SYNPO2: variants seen among roughly 807,000 people sequenced by gnomAD.
The protein encoded by SYNPO2 is synaptopodin-2.
SYNPO2 carries 56 observed loss-of-function variants against 85.0 expected under a neutral mutation model. The ratio of observed to expected loss-of-function variants is 0.66; its 90% CI spans 0.53 to 0.82. The LOEUF (loss-of-function observed/expected upper bound fraction) is 0.82, where lower values mean the gene tolerates loss of function less well. SYNPO2 is among the 40% of genes least tolerant of loss of function. The probability of loss-of-function intolerance (pLI) is 0.00; values close to 1 mark genes in which losing one functional copy is unlikely to be tolerated. For missense variants in SYNPO2, 1,575 were observed against 1,534.2 expected (o/e 1.03, Z -0.44); for synonymous variants, 602 against 591.1 (o/e 1.02, Z -0.27).
intron 1 of SYNPO2, among the ~76,000 whole-genome samples, chr4:118,972,371 G>A (rs1364821253): frequency 6.6e-6 from 1 of 152,010 alleles, no homozygotes; most frequent in Admixed American, 6.6e-5. Flanking sequence ...TTCAGTCCAG[G>A]AGGTGGAAGC....
intron 1 of SYNPO2, among the ~76,000 whole-genome samples, chr4:118,947,207 A>T (rs541308391): frequency 6.6e-6 from 1 of 152,188 alleles, no homozygotes; most frequent in African/African-American, 2.4e-5. Flanking sequence ...TCTCTGTACT[A>T]TCTCTTTTAC....
At chr4:118,865,738 C>T (rs993702279) in intron 1 of SYNPO2, among the ~76,000 whole-genome samples, 3 of 151,850 alleles carry the variant, frequency 2.0e-5, no homozygotes, top group African/African-American at 4.8e-5. Flanking sequence ...TGAAAAAGCA[C>T]GGTTAAAAAA....
At chr4:118,953,350 G>A (rs1251972458) in intron 1 of SYNPO2, among the ~76,000 whole-genome samples, 4 of 152,098 alleles carry the variant, frequency 2.6e-5, no homozygotes, top group Admixed American at 2.0e-4. Flanking sequence ...CATCACAATT[G>A]TAAATTCTTT....
At chr4:119,016,506 A>G (rs1004082611) in intron 1 of SYNPO2, among the ~76,000 whole-genome samples, 1 of 152,066 alleles carries the variant, frequency 6.6e-6, no homozygotes, top group Non-Finnish European at 1.5e-5. Context: ...TAAAAAGAGT[A>G]TTTACATAGA....
intron 1 of SYNPO2, among the ~76,000 whole-genome samples, chr4:118,883,713 C>CT (rs57844329): frequency 0.63 from 93,293 of 149,028 alleles, 29,902 homozygotes; most frequent in East Asian, 0.72. Context: ...TTCTCTTTTT[C>CT]TTTTTTTTTT....
rs1738187226 is a variant in SYNPO2 at position 119,030,566 on chromosome 4, T to G, written c.1791T>G (p.Asn597Lys). 2 of 1,613,960 alleles carry G rather than the reference T, an allele frequency of 1.2e-6. No homozygotes were observed. Among genetic ancestry groups the G allele is most frequent in the Non-Finnish European group, 1.7e-6 (2 of 1,180,020 alleles). ...CCAAACCCTTCCCAGGGTCTGTGAA[T>G]CAGCCAGCTACCCCCTTCTCGCCAA... ...RTAKPFPGSV[N>K]QPATPFSPTR... Residue 597 changes from asparagine to lysine, a missense_variant, in exon 4 of 5, where the codon AAT becomes AAG. Asn to Lys is a moderately conservative substitution (Grantham distance 94). Transcript: ENST00000307142.
At chr4:118,867,754 A>G (rs569269037) in intron 1 of SYNPO2, among the ~76,000 whole-genome samples, 19 of 152,000 alleles carry the variant, frequency 1.3e-4, no homozygotes, top group Non-Finnish European at 2.4e-4. Context: ...CAAAAAACCT[A>G]GTTTGTTTTT....
intron 1 of SYNPO2, among the ~76,000 whole-genome samples, chr4:118,903,189 A>C (rs902934098): frequency 1.3e-5 from 2 of 152,202 alleles, no homozygotes; most frequent in African/African-American, 2.4e-5. Flanking sequence ...TATAACTTAG[A>C]AGGCTTTTTA....
intron 1 of SYNPO2, among the ~76,000 whole-genome samples, chr4:118,912,329 T>C (rs1733166317): frequency 6.6e-6 from 1 of 152,068 alleles, no homozygotes; most frequent in Non-Finnish European, 1.5e-5. Context: ...TACAGGTGCA[T>C]GCCACCAGAC....
intron 1 of SYNPO2, among the ~76,000 whole-genome samples, chr4:118,949,247 A>G (rs939124658): frequency 1.3e-5 from 2 of 152,130 alleles, no homozygotes; most frequent in Admixed American, 1.3e-4. Context: ...TTTGCATTTC[A>G]TGGTGGGGTG....
chr4:119,013,997 A>C (rs1737429810), intron 1 of SYNPO2, among the ~76,000 whole-genome samples: 1 of 152,072 alleles, frequency 6.6e-6, no homozygotes, highest in Non-Finnish European at 1.5e-5. Context: ...CTATCAATGT[A>C]CTCCTCCTTT....
chr4:118,988,650 C>T (rs1174140635), intron 1 of SYNPO2, among the ~76,000 whole-genome samples: 1 of 152,086 alleles, frequency 6.6e-6, no homozygotes, highest in African/African-American at 2.4e-5. Flanking sequence ...TAATAAATGG[C>T]CACAGCTTTC....
intron 4 of SYNPO2, among the ~76,000 whole-genome samples, chr4:119,046,583 G>A (rs919314736): frequency 6.6e-6 from 1 of 152,144 alleles, no homozygotes; most frequent in African/African-American, 2.4e-5. Context: ...ACACCTTTAG[G>A]GCCACACAGT....
intron 1 of SYNPO2, among the ~76,000 whole-genome samples, chr4:118,919,721 C>T (rs939579475): frequency 6.6e-6 from 1 of 152,076 alleles, no homozygotes; most frequent in Non-Finnish European, 1.5e-5. Context: ...GAGAAGGTGT[C>T]TTTCAGGATG....
intron 1 of SYNPO2, among the ~76,000 whole-genome samples, chr4:118,954,099 G>A (rs1734790038): frequency 6.6e-6 from 1 of 152,068 alleles, no homozygotes; most frequent in Non-Finnish European, 1.5e-5. Context: ...AATTGCCAAT[G>A]TTCTTCACAT....
chr4:118,877,267 T>C (rs907864968), intron 1 of SYNPO2, among the ~76,000 whole-genome samples: 8 of 152,122 alleles, frequency 5.3e-5, no homozygotes, highest in African/African-American at 2.4e-5. Context: ...CCCTGGAAGA[T>C]AACCTAGGAA....
chr4:118,984,991 G>C (rs1345328538), intron 1 of SYNPO2, among the ~76,000 whole-genome samples: 1 of 152,144 alleles, frequency 6.6e-6, no homozygotes, highest in African/African-American at 2.4e-5. Context: ...AGCTCAATGG[G>C]TTCCCTTTAG....
chr4:118,961,565 C>G (rs905309111), intron 1 of SYNPO2, among the ~76,000 whole-genome samples: 3 of 152,322 alleles, frequency 2.0e-5, no homozygotes, highest in East Asian at 1.9e-4. Context: ...GCAGCCTCCA[C>G]CCATTGCTCT....
intron 4 of SYNPO2, chr4:119,037,684 G>T: frequency 1.0e-6 from 1 of 974,000 alleles, no homozygotes; most frequent in Non-Finnish European, 1.2e-6. Flanking sequence ...TGCAGGAACT[G>T]TGTTAAATAT....
Sources: allele counts gnomAD v4.1 joint callset (sites outside exome capture counted in the v4.1 genomes callset), GRCh38; gene constraint gnomAD v4.1.1; transcripts MANE v1.5; gene names NCBI Gene and HGNC (gene_info 2026-07-23, HGNC 2026-07-21).